FOXP1: variants seen among roughly 807,000 people sequenced by gnomAD.
The protein encoded by FOXP1 is forkhead box P1.
Under a neutral mutation model 98.2 loss-of-function variants are expected in FOXP1, and 15 were observed. The observed-to-expected ratio is 0.15, with a 90% CI of 0.10 to 0.24. The LOEUF is 0.24. FOXP1 is among the 10% of genes least tolerant of loss of function. The probability of loss-of-function intolerance (pLI) is 1.00; values close to 1 mark genes in which losing one functional copy is unlikely to be tolerated. For synonymous variants in FOXP1, 371 were observed against 314.5 expected (o/e 1.18, Z -1.90); for missense variants, 633 against 848.5 (o/e 0.75, Z 3.15).
intron 7 of FOXP1, among the ~76,000 whole-genome samples, chr3:71,090,112 A>C (rs1198903371): frequency 6.6e-6 from 1 of 152,256 alleles, no homozygotes; most frequent in East Asian, 1.9e-4. Context: ...GCATAAACAA[A>C]ACAGTATCTA....
chr3:71,224,902 G>A (rs567214461), intron 5 of FOXP1, among the ~76,000 whole-genome samples: 129 of 152,308 alleles, frequency 8.5e-4, no homozygotes, highest in Admixed American at 2.1e-3. Flanking sequence ...CAGCTACAAC[G>A]GTACCCAAAT....
intron 6 of FOXP1, among the ~76,000 whole-genome samples, chr3:71,136,740 C>T (rs957078532): frequency 6.6e-6 from 1 of 151,980 alleles, no homozygotes; most frequent in African/African-American, 2.4e-5. Context: ...ATAAACACTG[C>T]AGTGAGATTT....
intron 2 of FOXP1, among the ~76,000 whole-genome samples, chr3:71,513,054 C>A (rs770873782): frequency 6.6e-6 from 1 of 152,154 alleles, no homozygotes; most frequent in Non-Finnish European, 1.5e-5. Context: ...ATTTACCAGG[C>A]ATTCCTAACT....
intron 5 of FOXP1, among the ~76,000 whole-genome samples, chr3:71,272,542 C>T (rs2070467768): frequency 6.6e-6 from 1 of 151,760 alleles, no homozygotes; most frequent in African/African-American, 2.4e-5. Flanking sequence ...CACATTTACC[C>T]CCCAGCCCCC....
intron 6 of FOXP1, among the ~76,000 whole-genome samples, chr3:71,129,130 C>A (rs2059408888): frequency 6.6e-6 from 1 of 152,024 alleles, no homozygotes; most frequent in Non-Finnish European, 1.5e-5. Flanking sequence ...ACTAAGATAC[C>A]AAGAAAAGCA....
At chr3:71,156,015 G>C (rs928298816) in intron 6 of FOXP1, among the ~76,000 whole-genome samples, 4 of 152,204 alleles carry the variant, frequency 2.6e-5, no homozygotes, top group Non-Finnish European at 1.5e-5. Context: ...GGGAGGTAGG[G>C]CTCAGTTGGG....
chr3:71,486,312 T>C (rs940501391), intron 3 of FOXP1, among the ~76,000 whole-genome samples: 2 of 152,220 alleles, frequency 1.3e-5, no homozygotes, highest in African/African-American at 2.4e-5. Context: ...AGCTCTCTAA[T>C]TATTTGTTAT....
chr3:71,376,878 C>A (rs2079755497), intron 3 of FOXP1, among the ~76,000 whole-genome samples: 1 of 151,826 alleles, frequency 6.6e-6, no homozygotes, highest in African/African-American at 2.4e-5. Flanking sequence ...TGAGGGTATA[C>A]AAAGAAGCAA....
intron 7 of FOXP1, among the ~76,000 whole-genome samples, chr3:71,092,191 G>GA (rs996643345): frequency 2.0e-5 from 3 of 146,564 alleles, no homozygotes; most frequent in African/African-American, 5.1e-5. Flanking sequence ...CTCTGTCTCA[G>GA]AAAAAAAACA....
At chr3:71,421,651 G>T (rs2108330574) in intron 3 of FOXP1, among the ~76,000 whole-genome samples, 1 of 152,258 alleles carries the variant, frequency 6.6e-6, no homozygotes, top group South Asian at 2.1e-4. Context: ...CGTAGTGAAT[G>T]GTTCACACTA....
intron 5 of FOXP1, among the ~76,000 whole-genome samples, chr3:71,205,385 T>C (rs757577635): frequency 1.3e-5 from 2 of 152,364 alleles, no homozygotes; most frequent in South Asian, 2.1e-4. Context: ...AAATGATTTA[T>C]GTATTATCAA....
intron 14 of FOXP1, among the ~76,000 whole-genome samples, chr3:70,984,407 T>C (rs971620560): frequency 3.3e-5 from 5 of 152,150 alleles, no homozygotes; most frequent in Admixed American, 1.3e-4. Flanking sequence ...CTCCCAGCAA[T>C]CTCCCCTGAC....
At chr3:71,144,749 C>T (rs1293505037) in intron 6 of FOXP1, among the ~76,000 whole-genome samples, 1 of 152,060 alleles carries the variant, frequency 6.6e-6, no homozygotes, top group Non-Finnish European at 1.5e-5. Flanking sequence ...TCCTCACATG[C>T]ATGGATGTGT....
At chr3:71,434,581 T>A (rs924370698) in intron 3 of FOXP1, among the ~76,000 whole-genome samples, 3 of 151,476 alleles carry the variant, frequency 2.0e-5, no homozygotes, top group Non-Finnish European at 4.4e-5. Flanking sequence ...CTCATGTATA[T>A]GAAATAGTAA....
intron 10 of FOXP1, among the ~76,000 whole-genome samples, chr3:71,045,407 A>C (rs1170255500): frequency 1.3e-5 from 2 of 152,308 alleles, no homozygotes; most frequent in Admixed American, 1.3e-4. Context: ...CTTAGTGAGC[A>C]AACTTGATGA....
At chr3:71,515,908 A>G (rs969328681) in intron 2 of FOXP1, among the ~76,000 whole-genome samples, 15 of 152,240 alleles carry the variant, frequency 9.9e-5, no homozygotes, top group Non-Finnish European at 2.2e-4. Context: ...CTGATGTTTC[A>G]AAATGATTTT....
intron 17 of FOXP1, 147 bp from the exon 18 acceptor site, chr3:70,972,823 T>A: frequency 1.3e-6 from 1 of 763,190 alleles, no homozygotes; most frequent in South Asian, 1.9e-5. Flanking sequence ...TTCTCATGGT[T>A]AAGGATGTCT....
chr3:71,396,953 T>TATATATATACACAC (rs1560424173), intron 3 of FOXP1, among the ~76,000 whole-genome samples: 1 of 53,016 alleles, frequency 1.9e-5, no homozygotes, highest in Admixed American at 1.5e-4. Context: ...TATATGTGTA[T>TATATATATACACAC]ATATATATAT....
intron 5 of FOXP1, among the ~76,000 whole-genome samples, chr3:71,203,837 G>A (rs556025851): frequency 2.6e-5 from 4 of 151,950 alleles, no homozygotes; most frequent in African/African-American, 7.2e-5. Context: ...CCCCCCATCC[G>A]AAAAGAAAAA....
Sources: gnomAD v4.1 joint callset for allele counts (sites outside exome capture counted in the v4.1 genomes callset) on GRCh38, gnomAD v4.1.1 for gene constraint, MANE v1.5 for transcripts, NCBI Gene and HGNC (gene_info 2026-07-23, HGNC 2026-07-21) for gene names.